PPP1R12B: variants seen among roughly 807,000 people sequenced by gnomAD.
PPP1R12B encodes the protein protein phosphatase 1 regulatory subunit 12B.
PPP1R12B carries 76 observed loss-of-function variants against 126.1 expected under a neutral mutation model. The observed-to-expected ratio is 0.60, with a 90% CI of 0.50 to 0.73. The LOEUF (loss-of-function observed/expected upper bound fraction) is 0.73, where lower values mean the gene tolerates loss of function less well. PPP1R12B is among the 30% of genes least tolerant of loss of function. The pLI, the probability that PPP1R12B is intolerant of heterozygous loss-of-function variation, is 0.00. For missense variants in PPP1R12B, 1,052 were observed against 1,205.1 expected, an observed-to-expected ratio of 0.87 and a Z score of 1.88; for synonymous variants, 356 against 434.7, an observed-to-expected ratio of 0.82 and a Z score of 2.25.
intron 1 of PPP1R12B, among the ~76,000 whole-genome samples, chr1:202,373,515 C>T (rs1660656694): frequency 6.6e-6 from 1 of 152,008 alleles, no homozygotes; most frequent in Admixed American, 6.6e-5. Context: ...CTAGGGGGGT[C>T]CATCTTTATT....
intron 18 of PPP1R12B, among the ~76,000 whole-genome samples, chr1:202,512,426 A>G (rs932132699): frequency 2.6e-5 from 4 of 152,128 alleles, no homozygotes; most frequent in African/African-American, 9.7e-5. Context: ...CATAAAGAGC[A>G]GTCCCAAGGT....
chr1:202,515,303 TTTG>T (rs869291609), intron 18 of PPP1R12B, among the ~76,000 whole-genome samples: 1 of 152,064 alleles, frequency 6.6e-6, no homozygotes, highest in Non-Finnish European at 1.5e-5. Context: ...AAAGTGTTTG[TTTG>T]TTTTTTTAAA....
chr1:202,391,469 C>G (rs1664152289), intron 1 of PPP1R12B, among the ~76,000 whole-genome samples: 1 of 152,136 alleles, frequency 6.6e-6, no homozygotes, highest in African/African-American at 2.4e-5. Context: ...AACAGTCTGG[C>G]AGTTCCTCAA....
intron 13 of PPP1R12B, among the ~76,000 whole-genome samples, chr1:202,466,581 C>T (rs1440962417): frequency 6.6e-6 from 1 of 152,134 alleles, no homozygotes; most frequent in Non-Finnish European, 1.5e-5. Context: ...AGATCTCTCT[C>T]TCCAGCTCAA....
chr1:202,430,832 A>C, intron 7 of PPP1R12B, 22 bp downstream of exon 7: 1 of 1,609,072 alleles, frequency 6.2e-7, no homozygotes, highest in South Asian at 1.1e-5. Flanking sequence ...AGGCTTGAGT[A>C]ATGGGATGAG....
At chr1:202,481,078 G>T (rs1363848880) in intron 13 of PPP1R12B, among the ~76,000 whole-genome samples, 2 of 152,144 alleles carry the variant, frequency 1.3e-5, no homozygotes, top group Non-Finnish European at 2.9e-5. Flanking sequence ...TAGATTCCTG[G>T]CATGGGCAGC....
intron 10 of PPP1R12B, chr1:202,439,922 G>T: frequency 5.0e-6 from 1 of 199,358 alleles, no homozygotes; most frequent in Non-Finnish European, 1.0e-5. Context: ...CTGCCACAGT[G>T]TAATAAAGCC....
chr1:202,549,481 G>A (rs190533812), intron 18 of PPP1R12B, among the ~76,000 whole-genome samples: 21 of 149,730 alleles, frequency 1.4e-4, no homozygotes, highest in South Asian at 6.3e-4. Context: ...GTGCAGTGGC[G>A]TGATCTCTGC....
intron 1 of PPP1R12B, among the ~76,000 whole-genome samples, chr1:202,406,853 A>T (rs188099940): frequency 1.3e-4 from 20 of 152,342 alleles, no homozygotes; most frequent in Non-Finnish European, 1.0e-4. Context: ...CTTATATTCA[A>T]GTGTCAGAGT....
intron 4 of PPP1R12B, among the ~76,000 whole-genome samples, chr1:202,426,828 T>C (rs546111551): frequency 6.6e-6 from 1 of 152,340 alleles, no homozygotes; most frequent in South Asian, 2.1e-4. Flanking sequence ...AAATATCTTA[T>C]GACTTTTTTG....
In PPP1R12B at chr1:202,537,532, G is replaced by C. The variant is rs377223058; in HGVS notation, c.2491-21345G>C. On this transcript the variant is annotated intron_variant, in intron 18 of 23. Transcript: ENST00000608999. The stretch of plus-strand genomic sequence containing the variant: ...GAGAGGATCAGGTGAGATAATATAT[G>C]TTAAAACACTTTATAAAATATAAAA... 3.9e-5 allele frequency among the ~76,000 whole-genome samples: 6 copies of C among 152,244 alleles called. No individual in the cohort carries two copies. The East Asian group carries it at 9.6e-4, about 24-fold the overall frequency.
In PPP1R12B at chr1:202,419,176, T is replaced by A. The variant is rs1056698407; in HGVS notation, c.422+2259T>A. ...TAGCTGGGTGTTTTTACATTTTTTT[T>A]ATGAATAAATGTTTCACTTAGAAGC... On this transcript the variant is annotated intron_variant, in intron 2 of 23. Coordinates refer to ENST00000608999, the MANE Select transcript of PPP1R12B (RefSeq NM_002481.4). The surrounding 1 kb of genome is among the most constrained non-coding windows in gnomAD (Gnocchi z 4.6). Among the ~76,000 whole-genome samples the A allele has an allele frequency of 3.3e-5, 5 of 152,228 alleles. No individual in the cohort carries two copies. The highest frequency in any genetic ancestry group is 1.3e-4 in the Admixed American group (2 of 15,280).
intron 12 of PPP1R12B, among the ~76,000 whole-genome samples, chr1:202,444,251 C>A (rs1435135951): frequency 6.6e-6 from 1 of 152,122 alleles, no homozygotes; most frequent in Non-Finnish European, 1.5e-5. Context: ...TATTAAAATA[C>A]CTCTTTTCCA....
intron 14 of PPP1R12B, among the ~76,000 whole-genome samples, chr1:202,489,998 A>G (rs1385653774): frequency 6.6e-6 from 1 of 152,212 alleles, no homozygotes; most frequent in Admixed American, 6.5e-5. Context: ...CAAGCCTGGA[A>G]GCAAGAAGAC....
intron 14 of PPP1R12B, 33 bp downstream of exon 14, chr1:202,488,656 T>A (rs3820374): frequency 0.48 from 734,035 of 1,520,028 alleles, 184,399 homozygotes; most frequent in East Asian, 0.71. Flanking sequence ...TGTCATTTTG[T>A]GTATCTACCC....
intron 1 of PPP1R12B, among the ~76,000 whole-genome samples, chr1:202,366,348 G>A (rs903215820): frequency 7.3e-5 from 11 of 151,542 alleles, no homozygotes; most frequent in African/African-American, 2.4e-4. Flanking sequence ...GCGAAGCTCC[G>A]TCTCTACTAA....
intron 19 of PPP1R12B, among the ~76,000 whole-genome samples, chr1:202,559,580 A>G (rs1572506744): frequency 6.6e-6 from 1 of 152,218 alleles, no homozygotes; most frequent in Non-Finnish European, 1.5e-5. Flanking sequence ...ATAATAGACT[A>G]TAGAGCCAAA....
At chr1:202,404,590 T>C (rs2696960) in intron 1 of PPP1R12B, among the ~76,000 whole-genome samples, 147,984 of 152,296 alleles carry the variant, frequency 0.97, 71,992 homozygotes, top group East Asian at 1. Context: ...AGCTCCACCT[T>C]CCAGCTTCAA....
chr1:202,386,417 C>T (rs1453754304), intron 1 of PPP1R12B, among the ~76,000 whole-genome samples: 13 of 151,988 alleles, frequency 8.6e-5, no homozygotes, highest in Non-Finnish European at 1.6e-4. Flanking sequence ...CTGCAGCCTC[C>T]GCCTTCTGGG....
Sources: gnomAD v4.1 joint callset for allele counts (sites outside exome capture counted in the v4.1 genomes callset) on GRCh38, gnomAD v4.1.1 for gene constraint, Gnocchi (gnomAD v3.1) non-coding constraint, MANE v1.5 for transcripts, NCBI Gene and HGNC (gene_info 2026-07-23, HGNC 2026-07-21) for gene names.